The following LRRC8C variants were observed in gnomAD, a reference collection of about 807,000 sequenced individuals.
LRRC8C encodes leucine rich repeat containing 8 VRAC subunit C.
In LRRC8C, 20 loss-of-function variants were observed where a neutral mutation model predicts 55.3. The ratio of observed to expected loss-of-function variants is 0.36; its 90% CI spans 0.25 to 0.53. The LOEUF (loss-of-function observed/expected upper bound fraction) is 0.53, where lower values mean the gene tolerates loss of function less well. Among genes scored for constraint, LRRC8C ranks in the 20% least tolerant of loss-of-function variants. LRRC8C has a pLI of 0.92. For missense variants in LRRC8C, 659 were observed against 951.4 expected (o/e 0.69, Z 4.04); for synonymous variants, 376 against 360.7 (o/e 1.04, Z -0.48).
intron 2 of LRRC8C, among the ~76,000 whole-genome samples, chr1:89,705,814 G>T (rs1018451988): frequency 6.6e-6 from 1 of 152,022 alleles, no homozygotes; most frequent in Middle Eastern, 3.2e-3. Flanking sequence ...TTAAAAGACA[G>T]ATTTATGGTA....
At chr1:89,704,439 A>G (rs1658415468) in intron 2 of LRRC8C, among the ~76,000 whole-genome samples, 1 of 152,148 alleles carries the variant, frequency 6.6e-6, no homozygotes, top group Non-Finnish European at 1.5e-5. Flanking sequence ...GTGCCAATCT[A>G]TTAACATCTC....
intron 1 of LRRC8C, among the ~76,000 whole-genome samples, chr1:89,660,021 G>A (rs763691902): frequency 1.4e-4 from 21 of 152,100 alleles, no homozygotes; most frequent in Non-Finnish European, 2.8e-4. Flanking sequence ...TTCCAAAATA[G>A]GACACTGCAG....
At position 89,716,573 on chromosome 1, in the gene LRRC8C, A is replaced by G. The variant is rs564390181; in HGVS notation, c.*1591A>G. 2.6e-5 allele frequency: 4 copies of G among 152,220 alleles called. No individual in the cohort carries two copies. The highest frequency in any genetic ancestry group is 4.8e-5 in the African/African-American group (2 of 41,456). 9.4% of individuals were successfully genotyped at this position (152,220 alleles called of 1,614,324 possible). A position where few individuals can be genotyped will look rare whatever the true frequency, so the allele number is the denominator to read the frequency against. On this transcript the variant is annotated 3_prime_UTR_variant, in exon 3 of 3. Coordinates refer to ENST00000370454, the MANE Select transcript of LRRC8C (RefSeq NM_032270.5). Reference sequence around the variant, plus strand: ...TCTTGGGCAAAATATTTCACTGACTATTAAGCATGTAGAACAGGAAAATGA... The same window carrying G: ...TCTTGGGCAAAATATTTCACTGACTGTTAAGCATGTAGAACAGGAAAATGA...
At chr1:89,666,501 A>T (rs1557654360) in intron 1 of LRRC8C, among the ~76,000 whole-genome samples, 1 of 151,814 alleles carries the variant, frequency 6.6e-6, no homozygotes, top group African/African-American at 2.4e-5. Context: ...CCTTCTCCCA[A>T]CTCTCTAAAT....
Position 89,713,798 on chromosome 1 carries a change from A to G in LRRC8C, c.1228A>G (p.Thr410Ala), listed in dbSNP as rs374085978. The G allele has an allele frequency of 9.3e-6, 15 of 1,613,964 alleles. No homozygotes were observed. Among genetic ancestry groups the G allele is most frequent in the Non-Finnish European group, 1.3e-5 (15 of 1,180,002 alleles). ...GCAGCTGAACTTAAATAACGAATGGACTCCTGATAAACTGAGGCAGAAGCT... is the reference window on the plus strand; with the variant it reads ...GCAGCTGAACTTAAATAACGAATGGGCTCCTGATAAACTGAGGCAGAAGCT... ...LKQLNLNNEW[T>A]PDKLRQKLQT... Residue 410 changes from threonine (T) to alanine (A), a missense_variant, in exon 3 of 3, where the codon ACT (threonine) becomes GCT (alanine). Thr to Ala is a moderately conservative substitution (Grantham distance 58). Transcript: ENST00000370454. This position sits in a 1 kb window ranked among gnomAD's most constrained non-coding sequence, Gnocchi z 5.2.
At chr1:89,708,276 G>A (rs1658544350) in intron 2 of LRRC8C, among the ~76,000 whole-genome samples, 1 of 152,142 alleles carries the variant, frequency 6.6e-6, no homozygotes. Context: ...TCAAGGCTTT[G>A]TAGAAGGGGA....
At chr1:89,623,069 C>T in the LRRC8C span, among the ~76,000 whole-genome samples, 1 of 151,894 alleles carries the variant, frequency 6.6e-6, no homozygotes, top group Non-Finnish European at 1.5e-5. Flanking sequence ...GTTAAATGCT[C>T]CTCCTTTTGG....
In LRRC8C at chr1:89,715,640, T is replaced by G. The variant is rs1349324940; in HGVS notation, c.*658T>G. The stretch of plus-strand genomic sequence containing the variant: ...TTGAATTAGGCCTTTATCATTTAAC[T>G]TATTTGCATTTTACCAACATTTTAA... On this transcript the variant is annotated 3_prime_UTR_variant, in exon 3 of 3. Coordinates refer to ENST00000370454, the MANE Select transcript of LRRC8C (RefSeq NM_032270.5). The G allele has an allele frequency of 6.6e-6, 1 of 152,224 alleles. No individual in the cohort carries two copies. The highest frequency in any genetic ancestry group is 1.5e-5 in the Non-Finnish European group (1 of 68,030). The allele number at this position is 152,224 out of a possible 1,614,324, so 9.4% of individuals were successfully genotyped here. A position where few individuals can be genotyped will look rare whatever the true frequency, so the allele number is the denominator to read the frequency against.
In LRRC8C at chr1:89,713,938, C is replaced by T. The variant is rs753858417; in HGVS notation, c.1368C>T (p.Asn456=). The T allele has an allele frequency of 1.1e-5, 18 of 1,613,806 alleles. No individual in the cohort carries two copies. Among genetic ancestry groups the T allele is most frequent in the South Asian group, 3.3e-5 (3 of 91,074 alleles). Residue 456 remains asparagine, a synonymous_variant, in exon 3 of 3, where the codon AAC becomes AAT. Transcript: ENST00000370454. The surrounding 1 kb of genome is among the most constrained non-coding windows in gnomAD (Gnocchi z 5.2). The part of the protein sequence containing the change: ...LQSLKLEIIK[N]VMIPATIAQL... ...CTCTAAAACTTGAAATCATTAAGAA[C>T]GTAATGATACCAGCCACCATTGCAC...
At chr1:89,634,062 C>T (rs1235553871) in intron 1 of LRRC8C, among the ~76,000 whole-genome samples, 1 of 152,182 alleles carries the variant, frequency 6.6e-6, no homozygotes, top group Non-Finnish European at 1.5e-5. Context: ...TTTTCTCCCT[C>T]AGCCGGTTCT....
At chr1:89,697,275 T>C (rs1658199528) in intron 2 of LRRC8C, among the ~76,000 whole-genome samples, 2 of 152,240 alleles carry the variant, frequency 1.3e-5, no homozygotes, top group Admixed American at 1.3e-4. Flanking sequence ...CATTTAAAAA[T>C]ATCCTTTTAG....
At chr1:89,617,282 T>C in the LRRC8C span, among the ~76,000 whole-genome samples, 3 of 152,234 alleles carry the variant, frequency 2.0e-5, no homozygotes, top group Non-Finnish European at 4.4e-5. Flanking sequence ...TCATGTTGTC[T>C]TCTGCCTAAA....
At chr1:89,659,463 G>C (rs1337202101) in intron 1 of LRRC8C, among the ~76,000 whole-genome samples, 1 of 152,106 alleles carries the variant, frequency 6.6e-6, no homozygotes, top group Non-Finnish European at 1.5e-5. Flanking sequence ...TCTTGAGTAA[G>C]AGTAGGCTTA....
intron 2 of LRRC8C, among the ~76,000 whole-genome samples, chr1:89,697,793 T>C (rs1281091696): frequency 6.6e-6 from 1 of 152,212 alleles, no homozygotes; most frequent in African/African-American, 2.4e-5. Flanking sequence ...AAAAATTTTT[T>C]TTGTAATTCC....
At chr1:89,652,856 C>T (rs1055537029) in intron 1 of LRRC8C, among the ~76,000 whole-genome samples, 3 of 152,102 alleles carry the variant, frequency 2.0e-5, no homozygotes, top group African/African-American at 4.8e-5. Context: ...ATTAAAAATA[C>T]AGCTCATAAG....
intron 1 of LRRC8C, among the ~76,000 whole-genome samples, chr1:89,651,344 A>G (rs1463408209): frequency 1.3e-5 from 2 of 152,130 alleles, no homozygotes; most frequent in Admixed American, 6.5e-5. Flanking sequence ...CAAGGTGGGC[A>G]GATCACGAGG....
In LRRC8C at chr1:89,714,148, T is replaced by A; in HGVS notation, c.1578T>A (p.Ser526Arg). The A allele has an allele frequency of 6.2e-7, 1 of 1,614,134 alleles. No individual in the cohort carries two copies. The highest frequency in any genetic ancestry group is 8.5e-7 in the Non-Finnish European group (1 of 1,180,000). Residue 526 changes from serine (S) to arginine (R), a missense_variant, in exon 3 of 3, where the codon AGT becomes AGA. Ser to Arg is a moderately radical substitution (Grantham distance 110). Transcript: ENST00000370454. This position sits in a 1 kb window ranked among gnomAD's most constrained non-coding sequence, Gnocchi z 4.6. ...AGCTGTACCTAGTTGGCTCTCTAAG[T>A]CATGATATTTCCAGAAATGTCACCC... ...LEELYLVGSL[S>R]HDISRNVTLE...
intron 1 of LRRC8C, chr1:89,668,065 T>C (rs973246952): frequency 2.0e-5 from 3 of 152,614 alleles, no homozygotes; most frequent in Non-Finnish European, 4.4e-5. Flanking sequence ...TAAAAGATGG[T>C]TAAATACTTA....
chr1:89,677,503 T>G (rs1319760194), intron 1 of LRRC8C, among the ~76,000 whole-genome samples: 2 of 152,252 alleles, frequency 1.3e-5, no homozygotes, highest in African/African-American at 2.4e-5. Context: ...TTTAAACTCT[T>G]TGTTTCTTAG....
Sources: allele counts gnomAD v4.1 joint callset (sites outside exome capture counted in the v4.1 genomes callset), GRCh38; gene constraint gnomAD v4.1.1; non-coding constraint Gnocchi (gnomAD v3.1); transcripts MANE v1.5; gene names NCBI Gene and HGNC (gene_info 2026-07-23, HGNC 2026-07-21).